The following RYR2 variants were observed in gnomAD, a reference collection of about 807,000 sequenced individuals.
RYR2 encodes cardiac muscle ryanodine receptor-calcium release channel.
RYR2 carries 227 observed loss-of-function variants against 601.1 expected under a neutral mutation model. That is an observed-to-expected ratio of 0.38 (90% CI 0.34 to 0.42). The LOEUF (loss-of-function observed/expected upper bound fraction) is 0.42. Among genes scored for constraint, RYR2 ranks in the 10% least tolerant of loss-of-function variants. RYR2 has a pLI of 1.00. For missense variants in RYR2, 4,646 were observed against 6,156.5 expected (o/e 0.75, Z 8.21); for synonymous variants, 2,223 against 2,175.1 (o/e 1.02, Z -0.61).
intron 1 of RYR2, among the ~76,000 whole-genome samples, chr1:237,262,175 CA>C (rs955109652): frequency 7.0e-6 from 1 of 143,790 alleles, no homozygotes; most frequent in African/African-American, 2.5e-5. Flanking sequence ...TTACTCATCA[CA>C]AAATTGTCAG....
chr1:237,624,541 G>A (rs1679437665), intron 39 of RYR2, among the ~76,000 whole-genome samples: 1 of 152,124 alleles, frequency 6.6e-6, no homozygotes, highest in Non-Finnish European at 1.5e-5. Context: ...ATGTAAGAAA[G>A]AAATTTGATC....
At chr1:237,343,354 C>G in intron 3 of RYR2, among the ~76,000 whole-genome samples, 1 of 152,118 alleles carries the variant, frequency 6.6e-6, no homozygotes, top group East Asian at 1.9e-4. Flanking sequence ...AAATTAAATA[C>G]TTCATAAGCT....
chr1:237,712,878 G>T (rs552232882), intron 71 of RYR2, among the ~76,000 whole-genome samples: 2 of 152,152 alleles, frequency 1.3e-5, no homozygotes, highest in Admixed American at 6.6e-5. Flanking sequence ...GTAACATTTG[G>T]CTGCCAAATG....
intron 12 of RYR2, among the ~76,000 whole-genome samples, chr1:237,430,540 T>C (rs1261045271): frequency 6.6e-6 from 1 of 152,132 alleles, no homozygotes; most frequent in South Asian, 2.1e-4. Context: ...AAGATCAAAA[T>C]GGAAGCTGTA....
intron 73 of RYR2, among the ~76,000 whole-genome samples, chr1:237,721,812 G>A (rs1689741894): frequency 6.6e-6 from 1 of 152,120 alleles, no homozygotes; most frequent in African/African-American, 2.4e-5. Flanking sequence ...GAGCCACCGT[G>A]CCCGGCTGCT....
intron 1 of RYR2, among the ~76,000 whole-genome samples, chr1:237,109,402 T>C (rs1669167573): frequency 6.6e-6 from 1 of 152,046 alleles, no homozygotes; most frequent in Non-Finnish European, 1.5e-5. Context: ...GAGAGAAAAT[T>C]GCTTTGAAAG....
In RYR2 at chr1:237,500,805, C is replaced by T. The variant is rs1342079092; in HGVS notation, c.2298C>T (p.Ile766=). 4 of 1,614,050 alleles carry T rather than the reference C, an allele frequency of 2.5e-6. No individual in the cohort carries two copies. Among genetic ancestry groups the T allele is most frequent in the Non-Finnish European group, 3.4e-6 (4 of 1,179,902 alleles). ...GTTTAGATCTGAGTGCCCCAAGCAT[C>T]TCGTTCCGAATTAATGGACAACCTG... is the stretch of plus-strand genomic sequence containing the variant. ...SCCLDLSAPS[I]SFRINGQPVQ... The change falls in exon 21 of 105, where the codon ATC becomes ATT. Residue 766 remains isoleucine (I), a synonymous_variant. Coordinates refer to ENST00000366574, the MANE Select transcript of RYR2 (RefSeq NM_001035.3).
At chr1:237,208,852 C>T (rs1396869658) in intron 1 of RYR2, among the ~76,000 whole-genome samples, 2 of 148,956 alleles carry the variant, frequency 1.3e-5, no homozygotes, top group African/African-American at 2.5e-5. Context: ...TACCCTTTGA[C>T]CAACATCTTT....
intron 2 of RYR2, among the ~76,000 whole-genome samples, chr1:237,329,179 T>A (rs1306356545): frequency 6.6e-6 from 1 of 152,172 alleles, no homozygotes; most frequent in Non-Finnish European, 1.5e-5. Flanking sequence ...TTCCTTTTTT[T>A]CAATTTTATT....
At chr1:237,197,366 T>A (rs1680683349) in intron 1 of RYR2, among the ~76,000 whole-genome samples, 1 of 152,230 alleles carries the variant, frequency 6.6e-6, no homozygotes, top group Non-Finnish European at 1.5e-5. Context: ...TACTGAGTTT[T>A]CATAAATTGG....
At chr1:237,789,235 A>T (rs1658047233) in intron 92 of RYR2, among the ~76,000 whole-genome samples, 1 of 152,106 alleles carries the variant, frequency 6.6e-6, no homozygotes, top group Non-Finnish European at 1.5e-5. Flanking sequence ...GAGAAATCAA[A>T]AATTGACAAC....
intron 25 of RYR2, among the ~76,000 whole-genome samples, chr1:237,542,909 C>T (rs1166375768): frequency 6.6e-6 from 1 of 152,130 alleles, no homozygotes; most frequent in Non-Finnish European, 1.5e-5. Context: ...ATCTGGTCCT[C>T]ACTTGGGCAG....
chr1:237,261,245 G>T (rs1426264132), intron 1 of RYR2, among the ~76,000 whole-genome samples: 1 of 152,154 alleles, frequency 6.6e-6, no homozygotes, highest in Non-Finnish European at 1.5e-5. Context: ...CTCCCTGAAT[G>T]GTTGCAGTGA....
rs1401772701 is a variant in RYR2 at position 237,755,204 on chromosome 1, T to C, written c.11146-1084T>C. 7.1e-6 allele frequency: 5 copies of C among 706,556 alleles called. No individual in the cohort carries two copies. In the East Asian group the frequency reaches 3.4e-4, roughly 48 times the overall value. 43.8% of individuals were successfully genotyped at this position (706,556 alleles called of 1,614,324 possible). A position where few individuals can be genotyped will look rare whatever the true frequency, so the allele number is the denominator to read the frequency against. Reference sequence around the variant, plus strand: ...TGAGCCCATTTCTTTTCCCCCTCCTTTTAGTTCACTTTATTTTTCATATTC... The same window carrying C: ...TGAGCCCATTTCTTTTCCCCCTCCTCTTAGTTCACTTTATTTTTCATATTC... On this transcript the variant is annotated intron_variant, in intron 80 of 104. Coordinates refer to ENST00000366574, the MANE Select transcript of RYR2 (RefSeq NM_001035.3).
chr1:237,640,304 C>G (rs375526218), intron 46 of RYR2, among the ~76,000 whole-genome samples: 1 of 152,134 alleles, frequency 6.6e-6, no homozygotes, highest in Non-Finnish European at 1.5e-5. Flanking sequence ...AGATTTGGCT[C>G]TCATCAGCAA....
At chr1:237,161,963 T>C (rs1283574629) in intron 1 of RYR2, among the ~76,000 whole-genome samples, 1 of 152,218 alleles carries the variant, frequency 6.6e-6, no homozygotes, top group East Asian at 1.9e-4. Flanking sequence ...GCACCTGTTA[T>C]GTGTTAGAAA....
Position 237,709,022 on chromosome 1 carries a change from C to A in RYR2, c.10066C>A (p.Leu3356Ile). ...CATGTCGGAGGCAGAACTCCTCATC[C>A]TAGATGAGTTCACCACACTGGCCAG... is the stretch of plus-strand genomic sequence containing the variant. ...GDMSEAELLI[L>I]DEFTTLARDL... Residue 3356 changes from leucine to isoleucine, a missense_variant, in exon 69 of 105, where the codon CTA (leucine) becomes ATA (isoleucine). Coordinates refer to ENST00000366574, the MANE Select transcript of RYR2 (RefSeq NM_001035.3). 1 of 1,611,364 alleles carries A rather than the reference C, an allele frequency of 6.2e-7. No homozygotes were observed. The highest frequency in any genetic ancestry group is 8.5e-7 in the Non-Finnish European group (1 of 1,177,574).
At chr1:237,580,484 T>A (rs900332937) in intron 29 of RYR2, among the ~76,000 whole-genome samples, 25 of 138,170 alleles carry the variant, frequency 1.8e-4, no homozygotes, top group African/African-American at 6.4e-4. Flanking sequence ...AAAAAAAAAA[T>A]GAAGAAATGC....
chr1:237,499,966 G>A (rs1016968147), intron 20 of RYR2, among the ~76,000 whole-genome samples: 3 of 152,096 alleles, frequency 2.0e-5, no homozygotes, highest in East Asian at 1.9e-4. Flanking sequence ...TGGTCTTGCC[G>A]GGGCAATAAA....
Sources: allele counts gnomAD v4.1 joint callset (sites outside exome capture counted in the v4.1 genomes callset), GRCh38; gene constraint gnomAD v4.1.1; transcripts MANE v1.5; gene names NCBI Gene and HGNC (gene_info 2026-07-23, HGNC 2026-07-21).